The following DNAH17 variants were observed in gnomAD, a reference collection of about 807,000 sequenced individuals.
The protein encoded by DNAH17 is dynein axonemal heavy chain 17.
In DNAH17, 376 loss-of-function variants were observed where a neutral mutation model predicts 485.6. The ratio of observed to expected loss-of-function variants is 0.77; its 90% confidence interval spans 0.71 to 0.84. The LOEUF (loss-of-function observed/expected upper bound fraction) is 0.84. Among genes scored for constraint, DNAH17 ranks in the 40% least tolerant of loss-of-function variants. DNAH17 has a pLI of 0.00. For synonymous variants in DNAH17, 3,031 were observed against 2,405.9 expected (o/e 1.26, Z -7.60); for missense variants, 6,370 against 5,839.3 (o/e 1.09, Z -2.96).
At chr17:78,541,260 T>G (rs1166068353) in intron 17 of DNAH17, among the ~76,000 whole-genome samples, 1 of 21,818 alleles carries the variant, frequency 4.6e-5, no homozygotes, top group Non-Finnish European at 7.5e-5. Flanking sequence ...AGCAGATGGG[T>G]GGGGGGGTGG....
chr17:78,537,390 C>T lies in DNAH17; in HGVS notation c.2768G>A (p.Gly923Asp). 6.2e-7 allele frequency: 1 copy of T among 1,612,954 alleles called. No homozygotes were observed. ...CAGGCCCTCGATCAGTGCCAGGAAG[C>T]CGCGATCTGAGCCCACCTCCAGGGT... The part of the protein sequence containing the change: ...NPTLEVGSDR[G>D]FLALIEGLVN... The change falls in exon 19 of 81, where the codon GGC becomes GAC. Residue 923 changes from glycine (G) to aspartate (D), a missense_variant. Coordinates refer to ENST00000389840, the MANE Select transcript of DNAH17 (RefSeq NM_173628.4).
intron 16 of DNAH17, among the ~76,000 whole-genome samples, chr17:78,545,079 ACAT>A (rs55699133): frequency 0.31 from 47,286 of 151,594 alleles, 7,546 homozygotes; most frequent in African/African-American, 0.38. Context: ...TACGGACTCT[ACAT>A]CATCAATTCA....
At chr17:78,481,263 T>G (rs1019766256) in intron 48 of DNAH17, among the ~76,000 whole-genome samples, 1 of 151,180 alleles carries the variant, frequency 6.6e-6, no homozygotes, top group East Asian at 1.9e-4. Context: ...CCACCATGCC[T>G]GGCTAATTTT....
chr17:78,560,955 G>A lies in DNAH17; in HGVS notation c.1836-20C>T, dbSNP rs778354134. 3 of 1,541,314 alleles carry A rather than the reference G, an allele frequency of 1.9e-6. No individual in the cohort carries two copies. Among genetic ancestry groups the A allele is most frequent in the South Asian group, 2.4e-5 (2 of 83,966 alleles). ...ATGACCCTGGAATCAGAGCGGGAAGGCGAGGCCCCACTGGATATCTCCTGT... is the reference window on the plus strand; with the variant it reads ...ATGACCCTGGAATCAGAGCGGGAAGACGAGGCCCCACTGGATATCTCCTGT... On this transcript the variant is annotated intron_variant, in intron 12 of 80. Transcript: ENST00000389840.
intron 71 of DNAH17, among the ~76,000 whole-genome samples, chr17:78,443,388 T>C (rs1043044349): frequency 7.2e-5 from 11 of 152,260 alleles, no homozygotes; most frequent in African/African-American, 2.4e-4. Flanking sequence ...GCATTCTCCC[T>C]GGACCTCGCT....
At position 78,486,305 on chromosome 17, in the gene DNAH17, G is replaced by T; in HGVS notation, c.7020C>A (p.Pro2340=). Residue 2340 remains proline (P), a synonymous_variant, in exon 45 of 81, where the codon CCC becomes CCA. Coordinates refer to ENST00000389840, the MANE Select transcript of DNAH17 (RefSeq NM_173628.4). ...ECLLTEKTVP[P]DSPRELYELY... is the part of the protein sequence containing the mutation. Reference sequence around the variant, plus strand: ...GCTCGTACAGCTCCCTGGGGGAGTCGGGGGGCACGGTCTTCTCCGTGAGCA... The same window carrying T: ...GCTCGTACAGCTCCCTGGGGGAGTCTGGGGGCACGGTCTTCTCCGTGAGCA... 6.2e-7 allele frequency: 1 copy of T among 1,612,638 alleles called. No individual in the cohort carries two copies. The highest frequency in any genetic ancestry group is 8.5e-7 in the Non-Finnish European group (1 of 1,178,944).
In DNAH17 at chr17:78,502,910, C is replaced by T. The variant is rs2090350283; in HGVS notation, c.5058G>A (p.Gln1686=). ...VVTYEEKPRE[Q]WILDYPAQVA... ...CCTGGGCTGGGTAGTCCAGGATCCACTGCTCCCTCGGCTTCTCTTCGTAGG... is the reference window on the plus strand; with the variant it reads ...CCTGGGCTGGGTAGTCCAGGATCCATTGCTCCCTCGGCTTCTCTTCGTAGG... The change falls in exon 32 of 81, where the codon CAG becomes CAA. Residue 1686 remains glutamine, a synonymous_variant. Coordinates refer to ENST00000389840, the MANE Select transcript of DNAH17 (RefSeq NM_173628.4). The T allele has an allele frequency of 1.3e-5, 21 of 1,614,024 alleles. No individual in the cohort carries two copies. The highest frequency in any genetic ancestry group is 1.7e-5 in the Non-Finnish European group (20 of 1,179,940).
At position 78,454,553 on chromosome 17, in the gene DNAH17, G is replaced by A. The variant is rs555424618; in HGVS notation, c.10323C>T (p.Ile3441=). ...ILGNTERWPL[I]VDAQLQGIKW... ...TGATTCCTTGGAGCTGGGCGTCCAC[G>A]ATCAGCGGCCACCGCTCGGTGTTGC... Residue 3441 remains isoleucine, a synonymous_variant, in exon 64 of 81, where the codon ATC becomes ATT. Transcript: ENST00000389840. The A allele has an allele frequency of 1.2e-4, 201 of 1,612,814 alleles. No individual in the cohort carries two copies. The East Asian group carries it at 1.5e-3, about 12-fold the overall frequency.
intron 56 of DNAH17, among the ~76,000 whole-genome samples, chr17:78,466,034 G>T (rs1261903182): frequency 6.6e-6 from 1 of 152,134 alleles, no homozygotes; most frequent in Non-Finnish European, 1.5e-5. Flanking sequence ...TGGTTGCCGT[G>T]TCTGTGTAGA....
intron 19 of DNAH17, among the ~76,000 whole-genome samples, chr17:78,535,542 G>A (rs925760075): frequency 2.0e-5 from 3 of 152,170 alleles, no homozygotes; most frequent in African/African-American, 7.2e-5. Flanking sequence ...GTACACACAC[G>A]AGCACACGCA....
At chr17:78,459,420 G>A (rs775153254) in intron 60 of DNAH17, among the ~76,000 whole-genome samples, 2 of 152,146 alleles carry the variant, frequency 1.3e-5, no homozygotes, top group African/African-American at 4.8e-5. Flanking sequence ...TTTCCAAGTC[G>A]GGCACCAGGA....
chr17:78,429,763 A>G (rs766366833), intron 75 of DNAH17, among the ~76,000 whole-genome samples: 2 of 152,134 alleles, frequency 1.3e-5, no homozygotes, highest in Non-Finnish European at 2.9e-5. Flanking sequence ...TGGCTCAAGG[A>G]TTGACTCCAG....
rs1169473800 is a variant in DNAH17, at chr17:78,429,204, C to A, written c.12322G>T (p.Ala4108Ser). 1.2e-6 allele frequency: 2 copies of A among 1,613,730 alleles called. No homozygotes were observed. The highest frequency in any genetic ancestry group is 1.7e-6 in the Non-Finnish European group (2 of 1,179,900). The change falls in exon 76 of 81, where the codon GCT becomes TCT. Residue 4108 changes from alanine to serine, a missense_variant. Physicochemically the swap from Ala to Ser is moderately conservative, Grantham distance 99. Transcript: ENST00000389840. ...AGCATCTCCGTCCGGATGTATTCAGCCAGGTAGGTCCTGCACAGCCGACGG... is the reference window on the plus strand; with the variant it reads ...AGCATCTCCGTCCGGATGTATTCAGACAGGTAGGTCCTGCACAGCCGACGG... ...WDRRLCRTYL[A>S]EYIRTEMLEG...
intron 27 of DNAH17, 48 bp downstream of exon 27, chr17:78,510,336 T>A: frequency 6.2e-7 from 1 of 1,601,080 alleles, no homozygotes; most frequent in Non-Finnish European, 8.5e-7. Context: ...AGGGGGCAGT[T>A]TCAGGCTGAT....
chr17:78,547,155 C>G (rs934139833), intron 16 of DNAH17, among the ~76,000 whole-genome samples: 1 of 152,154 alleles, frequency 6.6e-6, no homozygotes, highest in South Asian at 2.1e-4. Context: ...TGGTTCCAAG[C>G]TCATTGCTAG....
chr17:78,551,772 G>A, intron 15 of DNAH17, 134 bp from the exon 16 acceptor site: 1 of 743,666 alleles, frequency 1.3e-6, no homozygotes, highest in East Asian at 2.6e-5. Flanking sequence ...GACCAGCCTG[G>A]GCAACATGGT....
intron 19 of DNAH17, among the ~76,000 whole-genome samples, chr17:78,536,629 C>T (rs1295593997): frequency 4.7e-5 from 7 of 150,270 alleles, no homozygotes; most frequent in African/African-American, 1.5e-4. Flanking sequence ...TGCAGTCAGC[C>T]GAGATTGAAC....
At chr17:78,535,908 A>G (rs1191223943) in intron 19 of DNAH17, among the ~76,000 whole-genome samples, 1 of 152,166 alleles carries the variant, frequency 6.6e-6, no homozygotes, top group East Asian at 1.9e-4. Context: ...TAGGTCACTT[A>G]AGTCTTTTCA....
chr17:78,424,199 G>A (rs1249464859), intron 80 of DNAH17, 46 bp from the exon 81 acceptor site: 3 of 1,568,422 alleles, frequency 1.9e-6, no homozygotes, highest in Non-Finnish European at 2.6e-6. Context: ...GCCAGTAAGT[G>A]AGGGAGGGGC....
Sources: gnomAD v4.1 joint callset for allele counts (sites outside exome capture counted in the v4.1 genomes callset) on GRCh38, gnomAD v4.1.1 for gene constraint, MANE v1.5 for transcripts, NCBI Gene and HGNC (gene_info 2026-07-23, HGNC 2026-07-21) for gene names.